The following SPPL2A variants were observed in gnomAD, a reference collection of about 807,000 sequenced individuals.
SPPL2A encodes signal peptide peptidase-like 2A.
SPPL2A carries 51 observed loss-of-function variants against 63.8 expected under a neutral mutation model. That is an observed-to-expected ratio of 0.80 (90% CI 0.64 to 1.01). The LOEUF (loss-of-function observed/expected upper bound fraction) is 1.01. Among genes scored for constraint, SPPL2A ranks in the 50% least tolerant of loss-of-function variants. SPPL2A has a pLI of 0.00. For synonymous variants in SPPL2A, 188 were observed against 205.8 expected (o/e 0.91, Z 0.74); for missense variants, 553 against 622.7 (o/e 0.89, Z 1.19).
At chr15:50,734,444 G>A (rs1567158331) in intron 8 of SPPL2A, among the ~76,000 whole-genome samples, 1 of 152,036 alleles carries the variant, frequency 6.6e-6, no homozygotes, top group Non-Finnish European at 1.5e-5. Flanking sequence ...CTCACTCATC[G>A]TGGGAGCTAA....
chr15:50,725,910 T>C (rs1003927619), intron 11 of SPPL2A: 7 of 322,696 alleles, frequency 2.2e-5, no homozygotes, highest in East Asian at 1.5e-4. Context: ...TTAACCTTTT[T>C]TTTTTCTCTT....
At chr15:50,734,144 TATACATGCAA>T (rs1178536434) in intron 8 of SPPL2A, among the ~76,000 whole-genome samples, 1 of 152,144 alleles carries the variant, frequency 6.6e-6, no homozygotes, top group Admixed American at 6.6e-5. Flanking sequence ...CGCCATTGGA[TATACATGCAA>T]AAGAAAGGAA....
chr15:50,723,014 A>G (rs2141027626), intron 12 of SPPL2A, among the ~76,000 whole-genome samples: 1 of 152,344 alleles, frequency 6.6e-6, no homozygotes, highest in Admixed American at 6.5e-5. Flanking sequence ...TGAGTAGCTA[A>G]TTCTCAATAG....
In SPPL2A at chr15:50,748,716, G is replaced by A. The variant is rs968426440; in HGVS notation, c.332C>T (p.Ala111Val). The A allele has an allele frequency of 1.9e-6, 3 of 1,606,270 alleles. No homozygotes were observed. Among genetic ancestry groups the A allele is most frequent in the Non-Finnish European group, 2.5e-6 (3 of 1,177,272 alleles). ...GACACTGTTATTGACAACTAACATT[G>A]CTTCAGCACCTCCTTTCTGTGCAAT... ...ARIAQKGGAE[A>V]MLVVNNSVLF... Residue 111 changes from alanine (A) to valine (V), a missense_variant, in exon 3 of 15, where the codon GCA (alanine) becomes GTA (valine). Ala to Val is a moderately conservative substitution (Grantham distance 64, BLOSUM62 0). Transcript: ENST00000261854.
intron 2 of SPPL2A, 38 bp from the exon 3 acceptor site, chr15:50,748,908 C>A: frequency 7.4e-7 from 1 of 1,358,840 alleles, no homozygotes; most frequent in Non-Finnish European, 1.0e-6. Flanking sequence ...TGTTAAAAAT[C>A]TATTTCATCC....
chr15:50,753,378 A>G (rs2062925958), intron 1 of SPPL2A, among the ~76,000 whole-genome samples: 1 of 152,220 alleles, frequency 6.6e-6, no homozygotes, highest in South Asian at 2.1e-4. Context: ...ATGACATTTT[A>G]AATATCTTAG....
At chr15:50,717,719 T>C (rs949784623) in intron 14 of SPPL2A, among the ~76,000 whole-genome samples, 2 of 152,150 alleles carry the variant, frequency 1.3e-5, no homozygotes, top group African/African-American at 4.8e-5. Context: ...GCATGTGCCA[T>C]GTTCTCTTCC....
intron 1 of SPPL2A, among the ~76,000 whole-genome samples, chr15:50,752,232 A>T (rs1415256311): frequency 6.6e-5 from 10 of 152,094 alleles, no homozygotes; most frequent in Non-Finnish European, 2.9e-5. Context: ...TATAATTACG[A>T]TGGTTTGTCT....
chr15:50,711,491 G>A (rs946894470), intron 14 of SPPL2A, among the ~76,000 whole-genome samples: 17 of 152,240 alleles, frequency 1.1e-4, no homozygotes, highest in African/African-American at 4.1e-4. Context: ...GATTACAGGC[G>A]TGAGCCACCG....
At chr15:50,728,371 T>C (rs1361760006) in intron 10 of SPPL2A, among the ~76,000 whole-genome samples, 1 of 152,170 alleles carries the variant, frequency 6.6e-6, no homozygotes, top group Non-Finnish European at 1.5e-5. Flanking sequence ...TGAGACGGAG[T>C]CTCACTCTGT....
In SPPL2A at chr15:50,731,927, C is replaced by CA. The variant is rs60624824; in HGVS notation, c.1014+675dup. Among the ~76,000 whole-genome samples, 178 of 64,056 alleles carry CA rather than the reference C, an allele frequency of 2.8e-3. 4 individuals are homozygous for CA. The highest frequency in any genetic ancestry group is 0.011 in the Middle Eastern group (1 of 88). The allele number at this position is 64,056 out of a possible 152,430, so 42.0% of individuals were successfully genotyped here. ...TGGGAGACTGAATGAGACTCCATCT[C>CA]AAAAAAAAAAAAAAAACCAAATAAA... On this transcript the variant is annotated intron_variant, in intron 9 of 14. Transcript: ENST00000261854.
chr15:50,708,144 G>A (rs1287080320), intron 14 of SPPL2A, among the ~76,000 whole-genome samples: 1 of 152,052 alleles, frequency 6.6e-6, no homozygotes, highest in South Asian at 2.1e-4. Context: ...TATGAATACT[G>A]CCCTTCATGG....
chr15:50,719,223 T>G (rs1247473401), intron 14 of SPPL2A, among the ~76,000 whole-genome samples: 2 of 152,150 alleles, frequency 1.3e-5, no homozygotes, highest in Non-Finnish European at 2.9e-5. Context: ...TCTAGTTTGG[T>G]TAGGCCCATT....
At chr15:50,721,629 A>G (rs995993078) in intron 13 of SPPL2A, among the ~76,000 whole-genome samples, 2 of 149,126 alleles carry the variant, frequency 1.3e-5, no homozygotes, top group East Asian at 4.0e-4. Context: ...TTTTTGAGGC[A>G]GAGTCTTGCT....
intron 6 of SPPL2A, among the ~76,000 whole-genome samples, chr15:50,737,415 C>A (rs1402792084): frequency 6.6e-6 from 1 of 152,100 alleles, no homozygotes; most frequent in Non-Finnish European, 1.5e-5. Context: ...TTTTAGTACT[C>A]GCTCTCTCAA....
chr15:50,721,377 C>CT (rs898546056), intron 13 of SPPL2A, among the ~76,000 whole-genome samples: 25 of 151,962 alleles, frequency 1.6e-4, no homozygotes, highest in African/African-American at 6.0e-4. Flanking sequence ...TTTCTTTATA[C>CT]TTTTTTTCTT....
chr15:50,741,539 A>G (rs989886062), intron 5 of SPPL2A, among the ~76,000 whole-genome samples: 22 of 152,152 alleles, frequency 1.4e-4, no homozygotes, highest in Non-Finnish European at 2.8e-4. Flanking sequence ...ACAGAAATAC[A>G]TTTAAAGCAA....
At chr15:50,733,012 CT>C (rs1190272331) in intron 8 of SPPL2A, among the ~76,000 whole-genome samples, 6 of 152,030 alleles carry the variant, frequency 3.9e-5, no homozygotes, top group African/African-American at 1.4e-4. Flanking sequence ...CCCTCATATA[CT>C]CTATATTTGG....
chr15:50,762,066 G>T (rs2063016617), intron 1 of SPPL2A, among the ~76,000 whole-genome samples: 1 of 151,878 alleles, frequency 6.6e-6, no homozygotes, highest in Non-Finnish European at 1.5e-5. Flanking sequence ...GGAAGGAGAG[G>T]TGCAAAATGT....
Sources: gnomAD v4.1 joint callset for allele counts (sites outside exome capture counted in the v4.1 genomes callset) on GRCh38, gnomAD v4.1.1 for gene constraint, MANE v1.5 for transcripts, NCBI Gene and HGNC (gene_info 2026-07-23, HGNC 2026-07-21) for gene names.